The following SYT16 variants were observed in gnomAD, a reference collection of about 807,000 sequenced individuals.
SYT16 encodes the protein synaptotagmin 16, also known as synaptotagmin-16.
In SYT16, 42 loss-of-function variants were observed where a neutral mutation model predicts 61.4. The ratio of observed to expected loss-of-function variants is 0.68; its 90% CI spans 0.53 to 0.89. SYT16 has a LOEUF of 0.89. Among genes scored for constraint, SYT16 ranks in the 40% least tolerant of loss-of-function variants. SYT16 has a pLI of 0.00. For synonymous variants in SYT16, 314 were observed against 302.3 expected (o/e 1.04, Z -0.40); for missense variants, 804 against 807.3 (o/e 1.00, Z 0.05).
At chr14:61,910,163 ACT>A (rs1259729487) in intron 1 of SYT16, among the ~76,000 whole-genome samples, 2 of 151,470 alleles carry the variant, frequency 1.3e-5, no homozygotes, top group African/African-American at 4.9e-5. Context: ...ATGCCCTCCA[ACT>A]CTGTTATTTT....
chr14:62,071,427 T>A (rs2056295798), intron 4 of SYT16, among the ~76,000 whole-genome samples: 1 of 152,190 alleles, frequency 6.6e-6, no homozygotes, highest in Admixed American at 6.5e-5. Context: ...AATTATCTCT[T>A]GTCCTAACTG....
At position 61,839,574 on chromosome 14, in the gene SYT16, A is replaced by G. The variant is rs115433629; in HGVS notation, c.-325+26764A>G. Among the ~76,000 whole-genome samples, 423 of 152,276 alleles carry G rather than the reference A, an allele frequency of 2.8e-3. 1 individual carries two copies. The highest frequency in any genetic ancestry group is 9.9e-3 in the African/African-American group (410 of 41,550). Reference sequence around the variant, plus strand: ...TGGTGGGAAAAGAGTGAGGTGCAGTACATTCAGGCAGTGAGAACTGCACCA... The same window carrying G: ...TGGTGGGAAAAGAGTGAGGTGCAGTGCATTCAGGCAGTGAGAACTGCACCA... On this transcript the variant is annotated intron_variant, in intron 1 of 7. Transcript: ENST00000683842.
At chr14:61,829,739 C>T (rs1566613202) in intron 1 of SYT16, among the ~76,000 whole-genome samples, 1 of 151,988 alleles carries the variant, frequency 6.6e-6, no homozygotes, top group Admixed American at 6.6e-5. Flanking sequence ...ATTGCAAGCT[C>T]CGCCTCCCGG....
intron 1 of SYT16, among the ~76,000 whole-genome samples, chr14:61,854,023 C>T (rs1453615196): frequency 6.6e-6 from 1 of 152,054 alleles, no homozygotes; most frequent in Non-Finnish European, 1.5e-5. Context: ...GTTTACCCTA[C>T]CATACTTTAA....
intron 1 of SYT16, among the ~76,000 whole-genome samples, chr14:61,914,035 A>C (rs217628): frequency 0.13 from 19,423 of 152,154 alleles, 1,905 homozygotes; most frequent in African/African-American, 0.27. Context: ...TTCTCAGGAT[A>C]GCCTCTCCTA....
rs1200409958 is a variant in SYT16, at chr14:62,075,239, A to G, written c.841A>G (p.Lys281Glu). ...GTCCCCATGTGAAAGAGGGGATGCC[A>G]AACACCACGGCACATCTCACCAAGA... ...SQSPCERGDAKHHGTSHQESS... is the reference protein window; with the variant it reads ...SQSPCERGDAEHHGTSHQESS... Residue 281 changes from lysine (K) to glutamate (E), a missense_variant, in exon 5 of 8, where the codon AAA (lysine) becomes GAA (glutamate). Transcript: ENST00000683842. The G allele has an allele frequency of 1.9e-6, 3 of 1,613,828 alleles. No homozygotes were observed. The highest frequency in any genetic ancestry group is 4.5e-5 in the East Asian group (2 of 44,874).
At chr14:62,048,899 T>C (rs2140879808) in intron 3 of SYT16, among the ~76,000 whole-genome samples, 1 of 152,328 alleles carries the variant, frequency 6.6e-6, no homozygotes, top group East Asian at 1.9e-4. Flanking sequence ...CTTCCAACTA[T>C]GTGGCCAATT....
chr14:61,874,107 G>A (rs1463585532), intron 1 of SYT16, among the ~76,000 whole-genome samples: 1 of 152,228 alleles, frequency 6.6e-6, no homozygotes, highest in African/African-American at 2.4e-5. Context: ...GATGGCACCA[G>A]CGTTATAGAG....
intron 1 of SYT16, among the ~76,000 whole-genome samples, chr14:61,823,354 G>A (rs769451950): frequency 3.9e-5 from 6 of 151,990 alleles, no homozygotes; most frequent in Non-Finnish European, 8.8e-5. Context: ...AGCCTGGAAT[G>A]CAGTGTAAAG....
intron 1 of SYT16, among the ~76,000 whole-genome samples, chr14:61,884,872 TG>T (rs1439506817): frequency 6.6e-6 from 1 of 152,182 alleles, no homozygotes; most frequent in Non-Finnish European, 1.5e-5. Flanking sequence ...TCGGTGGTTT[TG>T]TACAGCATTG....
In SYT16 at chr14:61,996,018, C is replaced by G; in HGVS notation, c.-2C>G. The G allele has an allele frequency of 6.3e-7, 1 of 1,578,568 alleles. No homozygotes were observed. The highest frequency in any genetic ancestry group is 1.2e-5 in the South Asian group (1 of 83,946). ...GACACTGTAGACATCAGATAGCTGGCCATGGTGTTGGCCATGGCGTCTCAG... is the reference window on the plus strand; with the variant it reads ...GACACTGTAGACATCAGATAGCTGGGCATGGTGTTGGCCATGGCGTCTCAG... On this transcript the variant is annotated 5_prime_UTR_variant, in exon 3 of 8. Coordinates refer to ENST00000683842, the MANE Select transcript of SYT16 (RefSeq NM_001367656.1).
At chr14:61,816,205 CCTT>C (rs1342145457) in intron 1 of SYT16, among the ~76,000 whole-genome samples, 1 of 152,182 alleles carries the variant, frequency 6.6e-6, no homozygotes, top group Non-Finnish European at 1.5e-5. Context: ...CTTTTTCCCT[CCTT>C]CTTTCTTGTT....
At chr14:61,940,379 G>A (rs549426309) in intron 1 of SYT16, among the ~76,000 whole-genome samples, 5 of 152,064 alleles carry the variant, frequency 3.3e-5, no homozygotes, top group African/African-American at 1.2e-4. Context: ...CCTATTGACA[G>A]TGTCTGTTGC....
chr14:61,918,690 G>A (rs2049212330), intron 1 of SYT16, among the ~76,000 whole-genome samples: 1 of 151,920 alleles, frequency 6.6e-6, no homozygotes, highest in South Asian at 2.1e-4. Flanking sequence ...CATTCTCAAA[G>A]ATAGCTCTGA....
chr14:62,026,068 T>C (rs1289698109), intron 3 of SYT16, among the ~76,000 whole-genome samples: 2 of 152,182 alleles, frequency 1.3e-5, no homozygotes, highest in Non-Finnish European at 1.5e-5. Flanking sequence ...TTCTTTTATA[T>C]GCCTTATAGT....
chr14:61,996,019 C>T lies in SYT16; in HGVS notation c.-1C>T, dbSNP rs2052752213. On this transcript the variant is annotated 5_prime_UTR_variant, in exon 3 of 8. Transcript: ENST00000683842. ...ACACTGTAGACATCAGATAGCTGGC[C>T]ATGGTGTTGGCCATGGCGTCTCAGG... The T allele has an allele frequency of 6.3e-7, 1 of 1,579,568 alleles. No individual in the cohort carries two copies.
At chr14:61,993,151 T>C (rs2052624308) in intron 2 of SYT16, among the ~76,000 whole-genome samples, 1 of 151,898 alleles carries the variant, frequency 6.6e-6, no homozygotes, top group Non-Finnish European at 1.5e-5. Context: ...TTGGGTTGCA[T>C]ATGAAAACAA....
At chr14:61,922,655 T>G (rs1393787166) in intron 1 of SYT16, among the ~76,000 whole-genome samples, 1 of 152,068 alleles carries the variant, frequency 6.6e-6, no homozygotes, top group Non-Finnish European at 1.5e-5. Flanking sequence ...TTACCTTGAA[T>G]TTACAAACTT....
At chr14:61,852,238 G>A (rs2046639784) in intron 1 of SYT16, among the ~76,000 whole-genome samples, 1 of 152,104 alleles carries the variant, frequency 6.6e-6, no homozygotes, top group Non-Finnish European at 1.5e-5. Flanking sequence ...TAGGTGTGCA[G>A]TCTTATTTCT....
Sources: allele counts gnomAD v4.1 joint callset (sites outside exome capture counted in the v4.1 genomes callset), GRCh38; gene constraint gnomAD v4.1.1; transcripts MANE v1.5; gene names NCBI Gene and HGNC (gene_info 2026-07-23, HGNC 2026-07-21).